Variants in OCA2 observed in about 807,000 individuals in gnomAD.
OCA2 encodes the protein OCA2 melanosomal transmembrane protein, also known as P protein.
In OCA2, 77 loss-of-function variants were observed where a neutral mutation model predicts 100.2. The ratio of observed to expected loss-of-function variants is 0.77; its 90% CI spans 0.64 to 0.93. The LOEUF (loss-of-function observed/expected upper bound fraction) is 0.93, where lower values mean the gene tolerates loss of function less well. Among genes scored for constraint, OCA2 ranks in the 40% least tolerant of loss-of-function variants. The pLI is 0.00. For missense variants in OCA2, 1,062 were observed against 1,089.1 expected (o/e 0.98, Z 0.35); for synonymous variants, 432 against 439.2 (o/e 0.98, Z 0.21).
intron 8 of OCA2, 85 bp from the exon 9 acceptor site, chr15:28,015,014 G>A (rs911428827): frequency 1.8e-5 from 25 of 1,411,110 alleles, no homozygotes; most frequent in Non-Finnish European, 2.4e-5. Flanking sequence ...ATTAACCAGA[G>A]TGCAAATGGA....
At chr15:27,814,945 T>TAGATAGCTGGCTAGCTAGCTAGAG (rs71132822) in intron 23 of OCA2, among the ~76,000 whole-genome samples, 1 of 107,352 alleles carries the variant, frequency 9.3e-6, no homozygotes, top group African/African-American at 3.4e-5. Flanking sequence ...GATAGATAGA[T>TAGATAGCTGGCTAGCTAGCTAGAG]ACAGAGATAT....
chr15:27,988,661 A>T (rs959877130), intron 11 of OCA2, among the ~76,000 whole-genome samples: 1 of 152,218 alleles, frequency 6.6e-6, no homozygotes, highest in Non-Finnish European at 1.5e-5. Flanking sequence ...GTACTTTGTT[A>T]CATAGTCCTA....
chr15:27,768,749 C>A (rs2031481168), intron 23 of OCA2, among the ~76,000 whole-genome samples: 1 of 152,204 alleles, frequency 6.6e-6, no homozygotes, highest in Non-Finnish European at 1.5e-5. Context: ...ATAACCCTGT[C>A]TATGGGACCC....
intron 22 of OCA2, among the ~76,000 whole-genome samples, chr15:27,850,747 C>T (rs1334628174): frequency 1.3e-5 from 2 of 152,130 alleles, no homozygotes; most frequent in Admixed American, 6.5e-5. Context: ...AAACTTAAAG[C>T]GTATCTGATG....
At chr15:27,838,034 G>C (rs927097594) in intron 23 of OCA2, among the ~76,000 whole-genome samples, 1 of 152,096 alleles carries the variant, frequency 6.6e-6, no homozygotes, top group Non-Finnish European at 1.5e-5. Context: ...TGACTGCCCC[G>C]TGCAAGGCTT....
chr15:27,954,246 C>T (rs796620400), intron 17 of OCA2, among the ~76,000 whole-genome samples: 2 of 152,210 alleles, frequency 1.3e-5, no homozygotes, highest in South Asian at 2.1e-4. Context: ...CTGTAGTCCT[C>T]GTCCAGGTGT....
At chr15:27,775,190 T>C (rs1022815631) in intron 23 of OCA2, among the ~76,000 whole-genome samples, 42 of 152,024 alleles carry the variant, frequency 2.8e-4, no homozygotes, top group African/African-American at 1.0e-3. Context: ...ACAGTAGGGT[T>C]AGCTCCGCCC....
At chr15:27,921,453 T>C (rs1418398329) in intron 19 of OCA2, among the ~76,000 whole-genome samples, 1 of 152,158 alleles carries the variant, frequency 6.6e-6, no homozygotes, top group Non-Finnish European at 1.5e-5. Context: ...CTAAAGGAAA[T>C]TCTTCAGGCT....
chr15:28,022,868 A>C (rs1184225319), intron 5 of OCA2, among the ~76,000 whole-genome samples: 5 of 152,234 alleles, frequency 3.3e-5, no homozygotes, highest in African/African-American at 1.2e-4. Flanking sequence ...ATGGAGAATA[A>C]AGGCATATGA....
chr15:27,736,412 AT>A, the OCA2 span, among the ~76,000 whole-genome samples: 1 of 152,136 alleles, frequency 6.6e-6, no homozygotes, highest in Non-Finnish European at 1.5e-5. Context: ...TCCTCAGTTT[AT>A]TTGTGGACTC....
At chr15:28,062,613 A>T (rs1333064827) in intron 2 of OCA2, among the ~76,000 whole-genome samples, 2 of 152,206 alleles carry the variant, frequency 1.3e-5, no homozygotes, top group Non-Finnish European at 2.9e-5. Flanking sequence ...TTTAGCATCA[A>T]ATCTAAGATA....
At chr15:28,024,477 C>A (rs1595843228) in intron 5 of OCA2, among the ~76,000 whole-genome samples, 3 of 152,206 alleles carry the variant, frequency 2.0e-5, no homozygotes, top group South Asian at 4.1e-4. Context: ...TCTGGGCTAT[C>A]CACGATCTCC....
At chr15:27,994,042 T>C (rs2041641441) in intron 9 of OCA2, among the ~76,000 whole-genome samples, 2 of 151,822 alleles carry the variant, frequency 1.3e-5, no homozygotes, top group South Asian at 4.2e-4. Context: ...ACCTAAAGAG[T>C]AAAAATAATA....
chr15:27,920,414 T>A (rs1463118346), intron 19 of OCA2, among the ~76,000 whole-genome samples: 1 of 152,106 alleles, frequency 6.6e-6, no homozygotes, highest in Non-Finnish European at 1.5e-5. Context: ...ATAAATGAAA[T>A]CAATAACAAA....
chr15:27,792,266 C>T (rs1371558905), intron 23 of OCA2, among the ~76,000 whole-genome samples: 1 of 151,390 alleles, frequency 6.6e-6, no homozygotes, highest in Non-Finnish European at 1.5e-5. Context: ...TGCCTTCTTC[C>T]TTCCTTCTTG....
At position 27,871,941 on chromosome 15, in the gene OCA2, GGTGAGAATCA is replaced by G; in HGVS notation, c.2080-29_2080-20del. On this transcript the variant is annotated intron_variant, in intron 19 of 23. Transcript: ENST00000354638. The stretch of plus-strand genomic sequence containing the variant: ...CCAATGCCTAGAAGAAAGGATGTGT[GGTGAGAATCA>G]GTTTAGAACCGAAAATATATGCAAG... 1 of 1,590,358 alleles carries G rather than the reference GGTGAGAATCA, an allele frequency of 6.3e-7. No homozygotes were observed. Among genetic ancestry groups the G allele is most frequent in the South Asian group, 1.1e-5 (1 of 90,554 alleles).
At chr15:27,760,875 G>A (rs1239577078) in intron 23 of OCA2, among the ~76,000 whole-genome samples, 1 of 151,986 alleles carries the variant, frequency 6.6e-6, no homozygotes, top group Admixed American at 6.6e-5. Context: ...CTATACAAAT[G>A]CTTCCAGAAA....
At chr15:27,792,774 G>A (rs1048666537) in intron 23 of OCA2, among the ~76,000 whole-genome samples, 2 of 152,202 alleles carry the variant, frequency 1.3e-5, no homozygotes, top group South Asian at 2.1e-4. Context: ...GGCCTAATTC[G>A]TCTCTGAGTC....
At chr15:27,740,051 C>T in the OCA2 span, among the ~76,000 whole-genome samples, 83 of 152,256 alleles carry the variant, frequency 5.5e-4, no homozygotes, top group African/African-American at 1.7e-3. Flanking sequence ...AGTAATAAAA[C>T]AAATTGGATG....
Sources: allele counts gnomAD v4.1 joint callset (sites outside exome capture counted in the v4.1 genomes callset), GRCh38; gene constraint gnomAD v4.1.1; transcripts MANE v1.5; gene names NCBI Gene and HGNC (gene_info 2026-07-23, HGNC 2026-07-21).